The following KIF13A variants were observed in gnomAD, a reference collection of about 807,000 sequenced individuals.
KIF13A encodes kinesin family member 13A.
In KIF13A, 79 loss-of-function variants were observed where a neutral mutation model predicts 212.2. The observed-to-expected ratio is 0.37, with a 90% confidence interval of 0.31 to 0.45. The LOEUF is 0.45. Among genes scored for constraint, KIF13A ranks in the 20% least tolerant of loss-of-function variants. The probability of loss-of-function intolerance (pLI) is 1.00; values close to 1 mark genes in which losing one functional copy is unlikely to be tolerated. For synonymous variants in KIF13A, 789 were observed against 808.6 expected (o/e 0.98, Z 0.41); for missense variants, 1,901 against 2,209.0 (o/e 0.86, Z 2.79).
intron 35 of KIF13A, 94 bp downstream of exon 35, chr6:17,774,921 C>G: frequency 1.2e-6 from 1 of 853,420 alleles, no homozygotes; most frequent in Non-Finnish European, 1.8e-6. Context: ...CAGGATCAAC[C>G]AGGTGAGGCC....
rs751780141 is a variant in KIF13A, at chr6:17,855,991, A to G, written c.313+39T>C. 9 of 1,388,678 alleles carry G rather than the reference A, an allele frequency of 6.5e-6. No individual in the cohort carries two copies. In the Admixed American group the frequency reaches 1.4e-4, roughly 21 times the overall value. The allele number at this position is 1,388,678 out of a possible 1,614,324, so 86.0% of individuals were successfully genotyped here. A position where few individuals can be genotyped will look rare whatever the true frequency, so the allele number is the denominator to read the frequency against. ...CTCACCAAGTCCTGGGATTATAGGC[A>G]TGATCCCCCACATCTGGTCTATAAA... is the stretch of plus-strand genomic sequence containing the variant. On this transcript the variant is annotated intron_variant, in intron 5 of 38. Transcript: ENST00000259711. The surrounding 1 kb of genome is among the most constrained non-coding windows in gnomAD (Gnocchi z 4.1).
At chr6:17,887,436 C>A (rs1771646702) in intron 3 of KIF13A, among the ~76,000 whole-genome samples, 1 of 152,168 alleles carries the variant, frequency 6.6e-6, no homozygotes, top group Admixed American at 6.5e-5. Context: ...ACATTCTATA[C>A]TTATCAATTA....
At position 17,773,384 on chromosome 6, in the gene KIF13A, A is replaced by G. The variant is rs528691373; in HGVS notation, c.4324+94T>C. ...TCTAGTTAACTAGAATATCAGCTTC[A>G]TATCTTATTATATGCCATTAATGAA... On this transcript the variant is annotated intron_variant, in intron 36 of 38. Coordinates refer to ENST00000259711, the MANE Select transcript of KIF13A (RefSeq NM_022113.6). This position sits in a 1 kb window ranked among gnomAD's most constrained non-coding sequence, Gnocchi z 4.2. 9.1e-6 allele frequency: 6 copies of G among 661,302 alleles called. No homozygotes were observed. The highest frequency in any genetic ancestry group is 7.9e-5 in the South Asian group (4 of 50,736). 41.0% of individuals were successfully genotyped at this position (661,302 alleles called of 1,614,324 possible).
intron 2 of KIF13A, among the ~76,000 whole-genome samples, chr6:17,916,625 C>T (rs1227740201): frequency 1.3e-5 from 2 of 152,098 alleles, no homozygotes; most frequent in African/African-American, 4.8e-5. Flanking sequence ...ACAACATAGA[C>T]CCAATGAACA....
downstream of KIF13A, chr6:17,760,830 T>C (rs766055442): frequency 6.2e-7 from 1 of 1,613,030 alleles, no homozygotes; most frequent in South Asian, 1.1e-5. Context: ...CGCCAAGCTG[T>C]GGCCTGAGGA....
In KIF13A at chr6:17,826,206, G is replaced by A. The variant is rs1326803225; in HGVS notation, c.1533-82C>T. 2.0e-6 allele frequency: 2 copies of A among 1,001,504 alleles called. No homozygotes were observed. Among genetic ancestry groups the A allele is most frequent in the Non-Finnish European group, 3.1e-6 (2 of 645,574 alleles). The allele number at this position is 1,001,504 out of a possible 1,614,324, so 62.0% of individuals were successfully genotyped here. A position where few individuals can be genotyped will look rare whatever the true frequency, so the allele number is the denominator to read the frequency against. ...CTGGTAGCCAAAGAGATAACTAGGG[G>A]AGCTTTCTCTTAATAAATGCATTCC... On this transcript the variant is annotated intron_variant, in intron 14 of 38. Coordinates refer to ENST00000259711, the MANE Select transcript of KIF13A (RefSeq NM_022113.6). The surrounding 1 kb of genome is among the most constrained non-coding windows in gnomAD (Gnocchi z 4.7).
At position 17,834,458 on chromosome 6, in the gene KIF13A, G is replaced by A. The variant is rs1164555714; in HGVS notation, c.1156-387C>T. On this transcript the variant is annotated intron_variant, in intron 11 of 38. Coordinates refer to ENST00000259711, the MANE Select transcript of KIF13A (RefSeq NM_022113.6). This position sits in a 1 kb window ranked among gnomAD's most constrained non-coding sequence, Gnocchi z 4.0. The stretch of plus-strand genomic sequence containing the variant: ...ACTCATCATCAATAAATGAATTCCA[G>A]TTAAATTAATCTGCTAGAAAAGGTA... Among the ~76,000 whole-genome samples, 2 of 152,176 alleles carry A rather than the reference G, an allele frequency of 1.3e-5. No individual in the cohort carries two copies. Among genetic ancestry groups the A allele is most frequent in the Non-Finnish European group, 2.9e-5 (2 of 68,032 alleles).
chr6:17,962,332 C>A (rs1222078036), intron 2 of KIF13A, among the ~76,000 whole-genome samples: 2 of 151,514 alleles, frequency 1.3e-5, no homozygotes, highest in Non-Finnish European at 2.9e-5. Flanking sequence ...AAAAAAAAAA[C>A]ATGGTAATAA....
intron 2 of KIF13A, among the ~76,000 whole-genome samples, chr6:17,940,048 T>TTAAAAA (rs374457757): frequency 4.1e-5 from 5 of 121,866 alleles, no homozygotes; most frequent in African/African-American, 9.2e-5. Context: ...TCTCATAAAT[T>TTAAAAA]AAAAAAAAAA....
intron 2 of KIF13A, among the ~76,000 whole-genome samples, chr6:17,981,951 G>A (rs1266128166): frequency 6.6e-6 from 1 of 152,134 alleles, no homozygotes; most frequent in African/African-American, 2.4e-5. Flanking sequence ...CCTTCAGAAT[G>A]GCGGAGGAAG....
At position 17,918,144 on chromosome 6, in the gene KIF13A, C is replaced by T. The variant is rs1375202779; in HGVS notation, c.147-19964G>A. On this transcript the variant is annotated intron_variant, in intron 2 of 38. Coordinates refer to ENST00000259711, the MANE Select transcript of KIF13A (RefSeq NM_022113.6). The surrounding 1 kb of genome is among the most constrained non-coding windows in gnomAD (Gnocchi z 4.8). ...CCTGCTTGGTGTCATGGACCCCACA[C>T]CAGGCACATGGTAAGCACCTGGCCT... Among the ~76,000 whole-genome samples the T allele has an allele frequency of 6.6e-6, 1 of 152,062 alleles. No individual in the cohort carries two copies. Among genetic ancestry groups the T allele is most frequent in the African/African-American group, 2.4e-5 (1 of 41,406 alleles).
intron 6 of KIF13A, among the ~76,000 whole-genome samples, chr6:17,853,622 T>C (rs2150403328): frequency 1.3e-5 from 2 of 152,220 alleles, no homozygotes; most frequent in Middle Eastern, 6.8e-3. Flanking sequence ...ATTATTGATG[T>C]AACCATGCAA....
At chr6:17,812,644 T>C (rs961039786) in intron 17 of KIF13A, 2 of 152,366 alleles carry the variant, frequency 1.3e-5, no homozygotes, top group Non-Finnish European at 1.5e-5. Flanking sequence ...AATATACATG[T>C]GCATGTGTCT....
intron 2 of KIF13A, among the ~76,000 whole-genome samples, chr6:17,949,839 TC>T (rs1345138422): frequency 7.9e-5 from 12 of 152,018 alleles, no homozygotes; most frequent in Non-Finnish European, 1.5e-5. Context: ...AACTAAGAGG[TC>T]TTCTAAACAG....
intron 2 of KIF13A, among the ~76,000 whole-genome samples, chr6:17,949,891 T>C (rs1355746148): frequency 6.6e-6 from 1 of 152,146 alleles, no homozygotes; most frequent in African/African-American, 2.4e-5. Context: ...GTTTTAAAAG[T>C]AATAATTATA....
At chr6:17,977,561 CTA>C (rs1214318552) in intron 2 of KIF13A, among the ~76,000 whole-genome samples, 1 of 152,162 alleles carries the variant, frequency 6.6e-6, no homozygotes, top group East Asian at 1.9e-4. Flanking sequence ...AAAACTATGA[CTA>C]TGACTATTTG....
rs1328112764 is a variant in KIF13A at position 17,912,511 on chromosome 6, C to T, written c.147-14331G>A. Among the ~76,000 whole-genome samples the T allele has an allele frequency of 6.6e-6, 1 of 152,222 alleles. No homozygotes were observed. The highest frequency in any genetic ancestry group is 2.4e-5 in the African/African-American group (1 of 41,458). ...GACTTCCCTGGCTTCCAACTGTTCT[C>T]ACCCTAAGCACTTATTAGCATATAG... On this transcript the variant is annotated intron_variant, in intron 2 of 38. Transcript: ENST00000259711. This position sits in a 1 kb window ranked among gnomAD's most constrained non-coding sequence, Gnocchi z 4.2.
Position 17,889,031 on chromosome 6 carries a change from A to AAT in KIF13A, c.159+9135_159+9136dup, listed in dbSNP as rs571299913. Among the ~76,000 whole-genome samples the AAT allele has an allele frequency of 1.3e-4, 20 of 152,318 alleles. No homozygotes were observed. In the East Asian group the frequency reaches 3.1e-3, roughly 23 times the overall value. On this transcript the variant is annotated intron_variant, in intron 3 of 38. Coordinates refer to ENST00000259711, the MANE Select transcript of KIF13A (RefSeq NM_022113.6). ...TTGTGGCTAAATGGCTACTGTACTG[A>AAT]ATAGTACAGGTCTAGAACTCACCTC...
intron 2 of KIF13A, among the ~76,000 whole-genome samples, chr6:17,975,417 T>TG (rs1183276549): frequency 6.6e-6 from 1 of 152,164 alleles, no homozygotes; most frequent in Non-Finnish European, 1.5e-5. Flanking sequence ...TTTTTTCCTT[T>TG]TGGTGGGTTC....
Sources: gnomAD v4.1 joint callset for allele counts (sites outside exome capture counted in the v4.1 genomes callset) on GRCh38, gnomAD v4.1.1 for gene constraint, Gnocchi (gnomAD v3.1) non-coding constraint, MANE v1.5 for transcripts, NCBI Gene and HGNC (gene_info 2026-07-23, HGNC 2026-07-21) for gene names.